PTPRR: variants seen among roughly 807,000 people sequenced by gnomAD.
PTPRR encodes the protein receptor-type tyrosine-protein phosphatase R.
Under a neutral mutation model 77.2 loss-of-function variants are expected in PTPRR, and 38 were observed. The observed-to-expected ratio is 0.49, with a 90% confidence interval of 0.38 to 0.65. The LOEUF is 0.65. PTPRR is among the 30% of genes least tolerant of loss of function. The pLI, the probability that PTPRR is intolerant of heterozygous loss-of-function variation, is 0.00. For missense variants in PTPRR, 744 were observed against 799.2 expected, an observed-to-expected ratio of 0.93 and a Z score of 0.83; for synonymous variants, 299 against 283.1, an observed-to-expected ratio of 1.06 and a Z score of -0.57.
At chr12:70,815,401 T>C (rs1453580129) in intron 2 of PTPRR, among the ~76,000 whole-genome samples, 1 of 152,140 alleles carries the variant, frequency 6.6e-6, no homozygotes, top group African/African-American at 2.4e-5. Context: ...TAAGACATAA[T>C]GGATGAAAAA....
At chr12:70,879,734 T>C (rs542385163) in intron 2 of PTPRR, among the ~76,000 whole-genome samples, 2 of 152,356 alleles carry the variant, frequency 1.3e-5, no homozygotes, top group South Asian at 4.1e-4. Context: ...AGACTCAACT[T>C]GTCCACACTG....
intron 2 of PTPRR, among the ~76,000 whole-genome samples, chr12:70,783,668 C>A (rs1207138393): frequency 6.6e-6 from 1 of 151,918 alleles, no homozygotes; most frequent in East Asian, 1.9e-4. Flanking sequence ...CTGGCGGCCC[C>A]GGACCCCAGG....
chr12:70,754,700 ACTAC>A, intron 4 of PTPRR: 2 of 1,595,158 alleles, frequency 1.3e-6, no homozygotes, highest in Non-Finnish European at 1.7e-6. Context: ...TACGTGCTGT[ACTAC>A]CTCTTTACTT....
chr12:70,828,647 T>C (rs1431361867), intron 2 of PTPRR, among the ~76,000 whole-genome samples: 1 of 152,198 alleles, frequency 6.6e-6, no homozygotes, highest in Non-Finnish European at 1.5e-5. Flanking sequence ...CTTATGCATA[T>C]TATATGCAGT....
At chr12:70,878,015 A>G (rs963219543) in intron 2 of PTPRR, among the ~76,000 whole-genome samples, 7 of 152,198 alleles carry the variant, frequency 4.6e-5, no homozygotes, top group African/African-American at 1.7e-4. Context: ...TTCCCTATTT[A>G]ACAAATGGTG....
chr12:70,796,659 C>T (rs1478694399), intron 2 of PTPRR, among the ~76,000 whole-genome samples: 2 of 151,744 alleles, frequency 1.3e-5, no homozygotes, highest in African/African-American at 4.8e-5. Context: ...TAAAGTAAAC[C>T]ATGAAAAGGA....
At chr12:70,867,275 G>A (rs1362530361) in intron 2 of PTPRR, among the ~76,000 whole-genome samples, 2 of 152,034 alleles carry the variant, frequency 1.3e-5, no homozygotes, top group Non-Finnish European at 2.9e-5. Context: ...TGACATGATT[G>A]TATATCTAGA....
chr12:70,734,685 G>A (rs1190615496), intron 6 of PTPRR, among the ~76,000 whole-genome samples: 5 of 152,134 alleles, frequency 3.3e-5, no homozygotes, highest in African/African-American at 7.2e-5. Flanking sequence ...AAGGAAAGGA[G>A]CAATTACTGT....
chr12:70,837,722 C>G (rs776322271), intron 2 of PTPRR, among the ~76,000 whole-genome samples: 1 of 152,030 alleles, frequency 6.6e-6, no homozygotes, highest in East Asian at 1.9e-4. Context: ...TTCATGGAGG[C>G]TTCATTACAA....
intron 2 of PTPRR, among the ~76,000 whole-genome samples, chr12:70,781,314 G>A (rs1891198748): frequency 6.6e-6 from 1 of 152,188 alleles, no homozygotes; most frequent in South Asian, 2.1e-4. Flanking sequence ...ATGGTAAATG[G>A]TGTTATGGAA....
At chr12:70,777,957 T>A (rs569466511) in intron 2 of PTPRR, among the ~76,000 whole-genome samples, 2 of 152,350 alleles carry the variant, frequency 1.3e-5, no homozygotes, top group African/African-American at 4.8e-5. Context: ...ATAGTGATAG[T>A]TATATATTCA....
intron 1 of PTPRR, among the ~76,000 whole-genome samples, chr12:70,898,781 C>A (rs776519580): frequency 2.0e-5 from 3 of 150,778 alleles, no homozygotes. Flanking sequence ...GAGAGAAAAA[C>A]GAGTGAAACA....
intron 6 of PTPRR, among the ~76,000 whole-genome samples, chr12:70,716,427 G>T (rs961005896): frequency 6.6e-6 from 1 of 151,322 alleles, no homozygotes; most frequent in Admixed American, 6.6e-5. Context: ...TGCAAATTAT[G>T]AAATATTTAC....
Position 70,835,972 on chromosome 12 carries a change from C to G in PTPRR, c.357+56707G>C, listed in dbSNP as rs561811491. Among the ~76,000 whole-genome samples the G allele has an allele frequency of 3.9e-5, 6 of 152,096 alleles. No homozygotes were observed. In the South Asian group the frequency reaches 1.0e-3, roughly 26 times the overall value. ...AAAGTCATACTTCTGTTAACAAGCTCTCCCTCATACTTGTCCCCTTTTTCC... is the reference window on the plus strand; with the variant it reads ...AAAGTCATACTTCTGTTAACAAGCTGTCCCTCATACTTGTCCCCTTTTTCC... On this transcript the variant is annotated intron_variant, in intron 2 of 13. Coordinates refer to ENST00000283228, the MANE Select transcript of PTPRR (RefSeq NM_002849.4).
At position 70,734,041 on chromosome 12, in the gene PTPRR, A is replaced by G. The variant is rs545317927; in HGVS notation, c.1007+11777T>C. Among the ~76,000 whole-genome samples the G allele has an allele frequency of 7.1e-4, 108 of 152,338 alleles. 3 individuals are homozygous for G. In the South Asian group the frequency reaches 0.022, roughly 31 times the overall value. On this transcript the variant is annotated intron_variant, in intron 6 of 13. Transcript: ENST00000283228. ...TCTGGCTGCAAGGAAAAACCTCCTG[A>G]CACAGTATCTAAGATTCAGAACTGG... is the stretch of plus-strand genomic sequence containing the variant.
At chr12:70,730,094 A>T (rs1241108249) in intron 6 of PTPRR, among the ~76,000 whole-genome samples, 2 of 152,192 alleles carry the variant, frequency 1.3e-5, no homozygotes, top group African/African-American at 4.8e-5. Flanking sequence ...AGATTTCACT[A>T]GTATCACCCT....
intron 6 of PTPRR, among the ~76,000 whole-genome samples, chr12:70,707,796 G>A (rs1003072674): frequency 6.6e-6 from 1 of 152,060 alleles, no homozygotes; most frequent in Non-Finnish European, 1.5e-5. Flanking sequence ...CTTTGCAGTT[G>A]TTCCTTAGCA....
At chr12:70,806,160 C>T (rs1040836406) in intron 2 of PTPRR, among the ~76,000 whole-genome samples, 2 of 152,098 alleles carry the variant, frequency 1.3e-5, no homozygotes, top group Non-Finnish European at 2.9e-5. Flanking sequence ...AGCATTAGAT[C>T]CATTCACTTG....
chr12:70,872,671 G>T (rs1454993965), intron 2 of PTPRR, among the ~76,000 whole-genome samples: 2 of 128,456 alleles, frequency 1.6e-5, no homozygotes, highest in African/African-American at 5.9e-5. Context: ...CTCCAATCTG[G>T]GCGACAGAGT....
Sources: gnomAD v4.1 joint callset for allele counts (sites outside exome capture counted in the v4.1 genomes callset) on GRCh38, gnomAD v4.1.1 for gene constraint, MANE v1.5 for transcripts, NCBI Gene and HGNC (gene_info 2026-07-23, HGNC 2026-07-21) for gene names.